Variants in POC5 observed in about 807,000 individuals in gnomAD.
POC5 encodes centrosomal protein POC5.
POC5 carries 48 observed loss-of-function variants against 62.9 expected under a neutral mutation model. That is an observed-to-expected ratio of 0.76 (90% CI 0.61 to 0.97). The LOEUF is 0.97. POC5 is among the 50% of genes least tolerant of loss of function. POC5 has a pLI of 0.00. For synonymous variants in POC5, 236 were observed against 228.2 expected (o/e 1.03, Z -0.31); for missense variants, 696 against 679.5 (o/e 1.02, Z -0.27).
At chr5:75,708,661 A>G (rs1446686294) in intron 2 of POC5, among the ~76,000 whole-genome samples, 2 of 152,212 alleles carry the variant, frequency 1.3e-5, no homozygotes, top group South Asian at 2.1e-4. Context: ...AAATAAATCT[A>G]TACTACTGTA....
chr5:75,702,807 G>A lies in POC5; in HGVS notation c.311C>T (p.Ser104Leu). Residue 104 changes from serine to leucine, a missense_variant, in exon 5 of 12, where the codon TCA (serine) becomes TTA (leucine). Transcript: ENST00000428202. ...HISSHSKTDESSPVLSPRKPS... is the reference protein window; with the variant it reads ...HISSHSKTDELSPVLSPRKPS... The stretch of plus-strand genomic sequence containing the variant: ...CTTCCTTGGCGATAACACTGGTGAT[G>A]ACTCTGAATAAAAGAAAAGTTGTAG... 1.3e-6 allele frequency: 2 copies of A among 1,563,976 alleles called. No homozygotes were observed. Among genetic ancestry groups the A allele is most frequent in the Non-Finnish European group, 1.7e-6 (2 of 1,152,026 alleles).
At chr5:75,681,928 A>G (rs1178371974) in intron 10 of POC5, among the ~76,000 whole-genome samples, 4 of 152,236 alleles carry the variant, frequency 2.6e-5, no homozygotes, top group Non-Finnish European at 5.9e-5. Context: ...TTTGTTATCA[A>G]GTTTCTTTTA....
intron 5 of POC5, among the ~76,000 whole-genome samples, chr5:75,695,144 T>C (rs1776508688): frequency 6.6e-6 from 1 of 152,164 alleles, no homozygotes. Flanking sequence ...TAAATGTCCA[T>C]ATGAAGATGG....
At chr5:75,712,776 TA>T in intron 2 of POC5, 77 bp downstream of exon 2, 2 of 1,123,576 alleles carry the variant, frequency 1.8e-6, no homozygotes, top group Non-Finnish European at 1.3e-6. Flanking sequence ...AAAAAATTAT[TA>T]AAAAATCCTA....
chr5:75,683,529 G>A (rs1405766805), intron 10 of POC5, among the ~76,000 whole-genome samples: 2 of 152,060 alleles, frequency 1.3e-5, no homozygotes, highest in Admixed American at 6.6e-5. Flanking sequence ...CGCCGCGCAT[G>A]GCTTTTTTTA....
rs142297873 is a variant in POC5 at position 75,692,424 on chromosome 5, C to T, written c.767G>A (p.Arg256Gln). Residue 256 changes from arginine (R) to glutamine (Q), a missense_variant, in exon 7 of 12, where the codon CGA (arginine) becomes CAA (glutamine). Coordinates refer to ENST00000428202, the MANE Select transcript of POC5 (RefSeq NM_001099271.2). The stretch of plus-strand genomic sequence containing the variant: ...CTGTCTGGCTCTGACATGGCCGATT[C>T]GCCAGTGGAAGAATGTTCTCATCAA... ...IELMRTFFHW[R>Q]IGHVRARQDV... 1.4e-4 allele frequency: 228 copies of T among 1,593,586 alleles called. No individual in the cohort carries two copies. In the East Asian group the frequency reaches 2.7e-3, roughly 19 times the overall value.
At chr5:75,696,455 C>T (rs1296151095) in intron 5 of POC5, among the ~76,000 whole-genome samples, 2 of 152,200 alleles carry the variant, frequency 1.3e-5, no homozygotes, top group African/African-American at 4.8e-5. Context: ...GGCAGACTGA[C>T]ACCTCACACG....
intron 5 of POC5, among the ~76,000 whole-genome samples, chr5:75,702,213 G>A (rs960270621): frequency 6.6e-6 from 1 of 152,112 alleles, no homozygotes; most frequent in African/African-American, 2.4e-5. Flanking sequence ...CCTAATGCAT[G>A]TGGGGCTTGA....
chr5:75,716,781 C>T (rs903313057), intron 1 of POC5, among the ~76,000 whole-genome samples: 12 of 152,144 alleles, frequency 7.9e-5, no homozygotes, highest in African/African-American at 2.9e-4. Flanking sequence ...AAACAGGGGT[C>T]TGGGAATTCA....
rs2303648 is a variant in POC5 at position 75,674,411 on chromosome 5, G to A, written c.*24C>T. 5,383 of 1,609,726 alleles carry A rather than the reference G, an allele frequency of 3.3e-3. 194 individuals carry two copies. The East Asian group carries it at 0.081, about 24-fold the overall frequency. On this transcript the variant is annotated 3_prime_UTR_variant, in exon 12 of 12. Transcript: ENST00000428202. ...CTTGGTAAGACCAGAGGGATTAAAA[G>A]ACCCCACTATGGACATATTCACTTT... is the stretch of plus-strand genomic sequence containing the variant.
chr5:75,716,795 G>A (rs1297309633), intron 1 of POC5, among the ~76,000 whole-genome samples: 2 of 152,188 alleles, frequency 1.3e-5, no homozygotes, highest in Non-Finnish European at 2.9e-5. Context: ...GAATTCAAAT[G>A]GAACCCCCAA....
chr5:75,682,682 AT>A (rs1032487896), intron 10 of POC5, among the ~76,000 whole-genome samples: 3 of 151,646 alleles, frequency 2.0e-5, no homozygotes, highest in Admixed American at 2.0e-4. Flanking sequence ...CGCCCGGCTA[AT>A]TTTTTTGTAT....
chr5:75,690,326 G>A, intron 8 of POC5, 57 bp downstream of exon 8: 2 of 1,428,108 alleles, frequency 1.4e-6, no homozygotes, highest in Admixed American at 2.6e-5. Flanking sequence ...TTAATAGTGA[G>A]TCTATCTATC....
At chr5:75,676,572 C>T (rs1219893946) in intron 11 of POC5, among the ~76,000 whole-genome samples, 2 of 152,064 alleles carry the variant, frequency 1.3e-5, no homozygotes, top group Non-Finnish European at 2.9e-5. Context: ...TAAAATCATT[C>T]CATATACTTT....
chr5:75,711,757 T>C (rs1777352969), intron 2 of POC5, among the ~76,000 whole-genome samples: 1 of 152,190 alleles, frequency 6.6e-6, no homozygotes, highest in Non-Finnish European at 1.5e-5. Flanking sequence ...GGGTAAACAA[T>C]AACACAAAAT....
chr5:75,698,249 AATCAACAGAAT>A (rs1776698973), intron 5 of POC5, among the ~76,000 whole-genome samples: 1 of 144,584 alleles, frequency 6.9e-6, no homozygotes, highest in Non-Finnish European at 1.5e-5. Context: ...CTCCACCCCA[AATCAACAGAAT>A]ATACATTTTT....
At chr5:75,702,496 CAA>C in intron 5 of POC5, 107 bp downstream of exon 5, 1 of 1,079,188 alleles carries the variant, frequency 9.3e-7, no homozygotes, top group Non-Finnish European at 1.3e-6. Flanking sequence ...TCTCAGGAAA[CAA>C]AAGATTTTTA....
At chr5:75,694,585 T>C in intron 6 of POC5, 70 bp downstream of exon 6, 3 of 1,219,076 alleles carry the variant, frequency 2.5e-6, no homozygotes, top group Non-Finnish European at 3.3e-6. Flanking sequence ...TAAATAATCA[T>C]TTCTTAGAAT....
In POC5 at chr5:75,685,321, G is replaced by A. The variant is rs751576662; in HGVS notation, c.1293C>T (p.Ala431=). The change falls in exon 10 of 12, where the codon GCC becomes GCT. Residue 431 remains alanine (A), a synonymous_variant. Coordinates refer to ENST00000428202, the MANE Select transcript of POC5 (RefSeq NM_001099271.2). ...PAAVGGASAT[A]VPSAASMTST... is the part of the protein sequence containing the mutation. Reference sequence around the variant, plus strand: ...AAGTCATCGAAGCAGCTGAGGGAACGGCAGTCGCGCTGGCTCCTCCGACGG... The same window carrying A: ...AAGTCATCGAAGCAGCTGAGGGAACAGCAGTCGCGCTGGCTCCTCCGACGG... The A allele has an allele frequency of 2.4e-5, 39 of 1,613,910 alleles. No individual in the cohort carries two copies. Among genetic ancestry groups the A allele is most frequent in the Admixed American group, 1.0e-4 (6 of 59,998 alleles).
Sources: allele counts gnomAD v4.1 joint callset (sites outside exome capture counted in the v4.1 genomes callset), GRCh38; gene constraint gnomAD v4.1.1; transcripts MANE v1.5; gene names NCBI Gene and HGNC (gene_info 2026-07-23, HGNC 2026-07-21).